The following DNASE1L1 variants were observed in gnomAD, a reference collection of about 807,000 sequenced individuals.
DNASE1L1 encodes deoxyribonuclease 1 like 1.
DNASE1L1 carries 8 observed loss-of-function variants against 18.6 expected under a neutral mutation model. The observed-to-expected ratio is 0.43, with a 90% CI of 0.25 to 0.78. The LOEUF is 0.78. DNASE1L1 is among the 30% of genes least tolerant of loss of function. DNASE1L1 has a pLI of 0.23. For missense variants in DNASE1L1, 214 were observed against 258.2 expected (o/e 0.83, Z 1.17); for synonymous variants, 114 against 114.2 (o/e 1.00, Z 0.01).
At chrX:154,403,829 T>C in intron 4 of DNASE1L1, 1 of 426,546 alleles carries the variant, frequency 2.3e-6, no homozygotes, top group Non-Finnish European at 4.1e-6. Flanking sequence ...GGTTCTTTTG[T>C]ACATTCATAA....
At chrX:154,411,728 C>T (rs782612530), upstream of DNASE1L1, 20 of 721,870 alleles carry the variant, frequency 2.8e-5, no homozygotes, top group Non-Finnish European at 3.9e-5. Context: ...CGCCCCCGTC[C>T]GTCCGTGCGC....
chrX:154,405,569 G>T lies in DNASE1L1; in HGVS notation c.-1C>A. On this transcript the variant is annotated 5_prime_UTR_variant, in exon 2 of 8. Coordinates refer to ENST00000369807, the MANE Select transcript of DNASE1L1 (RefSeq NM_001303620.2). ...AGAGGAGTGCAGTTGGGTAGTGCAT[G>T]GCTGTGTGTGGCTGCCGGGGACACC... 3 of 1,138,399 alleles carry T rather than the reference G, an allele frequency of 2.6e-6. No individual in the cohort carries two copies. The highest frequency in any genetic ancestry group is 4.2e-5 in the South Asian group (2 of 47,074). The allele number at this position is 1,138,399 out of a possible 1,213,427, so 93.8% of individuals were successfully genotyped here. A position where few individuals can be genotyped will look rare whatever the true frequency, so the allele number is the denominator to read the frequency against.
At position 154,403,176 on chromosome X, in the gene DNASE1L1, A is replaced by G; in HGVS notation, c.540T>C (p.Leu180=). Residue 180 remains leucine, a synonymous_variant, in exon 7 of 8, where the codon CTT becomes CTC. Coordinates refer to ENST00000369807, the MANE Select transcript of DNASE1L1 (RefSeq NM_001303620.2). ...QHWQSKDVIL[L]GDFNADCASL... ...AAGCGCAGTCAGCATTGAAGTCCCCAAGCAGGATCACGTCCTAGAGACACA... is the reference window on the plus strand; with the variant it reads ...AAGCGCAGTCAGCATTGAAGTCCCCGAGCAGGATCACGTCCTAGAGACACA... 1 of 1,211,091 alleles carries G rather than the reference A, an allele frequency of 8.3e-7. No individual in the cohort carries two copies. Among genetic ancestry groups the G allele is most frequent in the East Asian group, 3.0e-5 (1 of 33,821 alleles).
Position 154,401,364 on chromosome X carries a change from A to G in DNASE1L1, c.*1343T>C, listed in dbSNP as rs1034617343. The G allele has an allele frequency of 2.0e-5, 3 of 153,558 alleles. No homozygotes were observed. Among genetic ancestry groups the G allele is most frequent in the Non-Finnish European group, 3.8e-5 (3 of 79,074 alleles). The allele number at this position is 153,558 out of a possible 1,213,427, so 12.7% of individuals were successfully genotyped here. On this transcript the variant is annotated 3_prime_UTR_variant, in exon 8 of 8. Transcript: ENST00000369807. ...GAATCATCCAGGTACTGCTGAGGTC[A>G]CCTGCGATTTGCCCCATTTCCTATC...
intron 2 of DNASE1L1, 45 bp from the exon 3 acceptor site, chrX:154,405,128 C>T (rs1557188105): frequency 8.7e-7 from 1 of 1,149,308 alleles, no homozygotes. Context: ...GCCAACTGCC[C>T]TGAGAGGAGG....
rs17849495 is a variant in DNASE1L1 at position 154,402,785 on chromosome X, C to T, written c.831G>A (p.Ala277=). 8,877 of 1,209,890 alleles carry T rather than the reference C, an allele frequency of 7.3e-3. 391 individuals are homozygous for T. The African/African-American group carries it at 0.13, about 18-fold the overall frequency. ...PVEVELKLSQ[A]HSVQPLSLTV... ...TGAGGCTGAGAGGCTGGACGCTGTG[C>T]GCCTGGCTCAGCTTCAGCTCCACCT... Residue 277 remains alanine, a synonymous_variant, in exon 8 of 8, where the codon GCG becomes GCA. Coordinates refer to ENST00000369807, the MANE Select transcript of DNASE1L1 (RefSeq NM_001303620.2).
At chrX:154,411,773 G>A (rs2068302073), upstream of DNASE1L1, 1 of 1,008,141 alleles carries the variant, frequency 9.9e-7, no homozygotes, top group African/African-American at 1.9e-5. Flanking sequence ...GAGCGGTCGA[G>A]GTCGCAGACC....
rs373781517 is a variant in DNASE1L1 at position 154,403,089 on chromosome X, C to T, written c.627G>A (p.Val209=). 5 of 1,211,922 alleles carry T rather than the reference C, an allele frequency of 4.1e-6. No homozygotes were observed. Among genetic ancestry groups the T allele is most frequent in the Non-Finnish European group, 4.5e-6 (4 of 895,575 alleles). The part of the protein sequence containing the change: ...ELRTEPGFHW[V]IADGEDTTVR... Reference sequence around the variant, plus strand: ...CTGTGGTGTCCTCCCCATCGGCAATCACCCAGTGGAAGCCTGGCTCAGTCC... The same window carrying T: ...CTGTGGTGTCCTCCCCATCGGCAATTACCCAGTGGAAGCCTGGCTCAGTCC... Residue 209 remains valine, a synonymous_variant, in exon 7 of 8, where the codon GTG becomes GTA. Coordinates refer to ENST00000369807, the MANE Select transcript of DNASE1L1 (RefSeq NM_001303620.2).
In DNASE1L1 at chrX:154,403,206, C is replaced by T; in HGVS notation, c.526-16G>A. ...GGATCACGTCCTAGAGACACAGCAG[C>T]CATCAGGCTGGCCGCTGGGCCACCC... is the stretch of plus-strand genomic sequence containing the variant. On this transcript the variant is annotated splice_polypyrimidine_tract_variant and intron_variant, in intron 6 of 7. Transcript: ENST00000369807. 1.7e-6 allele frequency: 2 copies of T among 1,210,001 alleles called. No individual in the cohort carries two copies. Among genetic ancestry groups the T allele is most frequent in the Non-Finnish European group, 2.2e-6 (2 of 894,109 alleles).
At position 154,406,664 on chromosome X, in the gene DNASE1L1, CTTTTTTTTT is replaced by C. The variant is rs782761679; in HGVS notation, c.-87-1018_-87-1010del. ...GATTACAGGTGTGAGCCACCGTGTC[CTTTTTTTTT>C]TTTTTTTTTTTTTTTAAATAGAGAC... On this transcript the variant is annotated intron_variant, in intron 1 of 7. Coordinates refer to ENST00000369807, the MANE Select transcript of DNASE1L1 (RefSeq NM_001303620.2). Among the ~76,000 whole-genome samples, 3 of 86,145 alleles carry C rather than the reference CTTTTTTTTT, an allele frequency of 3.5e-5. No individual in the cohort carries two copies. The Admixed American group carries it at 4.2e-4, about 12-fold the overall frequency. 74.8% of individuals were successfully genotyped at this position (86,145 alleles called of 115,157 possible).
Position 154,405,487 on chromosome X carries a change from G to A in DNASE1L1, c.82C>T (p.Arg28Trp), listed in dbSNP as rs781973534. The A allele has an allele frequency of 1.2e-5, 15 of 1,204,231 alleles. 1 individual carries two copies. The highest frequency in any genetic ancestry group is 5.3e-5 in the South Asian group (3 of 56,277). Residue 28 changes from arginine (R) to tryptophan (W), a missense_variant, in exon 2 of 8, where the codon CGG (arginine) becomes TGG (tryptophan). Coordinates refer to ENST00000369807, the MANE Select transcript of DNASE1L1 (RefSeq NM_001303620.2). ...CTGGCCACCTTGGCCAGTGTCAGCC[G>A]CTGGGCATTGAAGGCGCAGATGCGA... Reference protein sequence around the residue: ...AFRICAFNAQRLTLAKVAREQ... With the variant: ...AFRICAFNAQWLTLAKVAREQ...
upstream of DNASE1L1, chrX:154,411,626 C>A: frequency 2.1e-6 from 1 of 466,558 alleles, no homozygotes; most frequent in East Asian, 4.4e-5. Flanking sequence ...CCTGTGACCC[C>A]GGCGACCGCT....
chrX:154,405,358 A>C, intron 2 of DNASE1L1, 76 bp downstream of exon 2: 1 of 1,123,438 alleles, frequency 8.9e-7, no homozygotes, highest in Non-Finnish European at 1.2e-6. Flanking sequence ...TCTAGAACAT[A>C]CCCCTGGTCA....
At chrX:154,403,730 G>T (rs1050847026) in intron 4 of DNASE1L1, 108 bp from the exon 5 acceptor site, 6 of 599,276 alleles carry the variant, frequency 1.0e-5, no homozygotes, top group Non-Finnish European at 1.4e-5. Flanking sequence ...GGCAATGTGG[G>T]CACAGCCCTC....
At chrX:154,403,774 A>G in intron 4 of DNASE1L1, 152 bp from the exon 5 acceptor site, 1 of 463,225 alleles carries the variant, frequency 2.2e-6, no homozygotes, top group South Asian at 3.3e-5. Context: ...AAAATCAGGC[A>G]TAATTCATAT....
At chrX:154,405,684 T>G in intron 1 of DNASE1L1, 29 bp from the exon 2 acceptor site, 8 of 766,299 alleles carry the variant, frequency 1.0e-5, no homozygotes, top group Non-Finnish European at 1.4e-5. Context: ...AAAGTGGCAC[T>G]AGCTGCTGCC....
At chrX:154,404,144 ATTCTT>A (rs2068102956) in intron 4 of DNASE1L1, among the ~76,000 whole-genome samples, 1 of 84,390 alleles carries the variant, frequency 1.2e-5, no homozygotes, top group African/African-American at 5.6e-5. Flanking sequence ...CTTTGATGTC[ATTCTT>A]TTTTTTTTTT....
chrX:154,404,982 G>A lies in DNASE1L1; in HGVS notation c.224+13C>T. ...GGGTGTGCCCCTGATTAGACCCACA[G>A]AATCTTCCTCACCGATTGAGTTCTC... On this transcript the variant is annotated intron_variant, in intron 3 of 7. Transcript: ENST00000369807. 8.3e-7 allele frequency: 1 copy of A among 1,208,977 alleles called. No homozygotes were observed.
intron 1 of DNASE1L1, among the ~76,000 whole-genome samples, chrX:154,407,118 T>C (rs782044738): frequency 9.4e-6 from 1 of 106,809 alleles, no homozygotes; most frequent in Admixed American, 1.0e-4. Context: ...AATGGTGCCA[T>C]CACAGCTCAC....
Sources: allele counts gnomAD v4.1 joint callset (sites outside exome capture counted in the v4.1 genomes callset), GRCh38; gene constraint gnomAD v4.1.1; transcripts MANE v1.5; gene names NCBI Gene and HGNC (gene_info 2026-07-23, HGNC 2026-07-21).